The following ZBTB7C variants were observed in gnomAD, a reference collection of about 807,000 sequenced individuals.
The protein encoded by ZBTB7C is zinc finger and BTB domain-containing protein 7C.
In ZBTB7C, 8 loss-of-function variants were observed where a neutral mutation model predicts 25.7. That is an observed-to-expected ratio of 0.31 (90% CI 0.18 to 0.56). ZBTB7C has a LOEUF of 0.56. Among genes scored for constraint, ZBTB7C ranks in the 20% least tolerant of loss-of-function variants. The pLI is 0.91. For missense variants in ZBTB7C, 824 were observed against 855.2 expected, an observed-to-expected ratio of 0.96 and a Z score of 0.46; for synonymous variants, 394 against 369.0, an observed-to-expected ratio of 1.07 and a Z score of -0.78.
chr18:48,160,874 T>C (rs2040989822), intron 3 of ZBTB7C, among the ~76,000 whole-genome samples: 1 of 151,528 alleles, frequency 6.6e-6, no homozygotes. Context: ...CTGTCCCAAA[T>C]ATCTGCTCCC....
intron 3 of ZBTB7C, among the ~76,000 whole-genome samples, chr18:48,145,174 T>G (rs755356180): frequency 3.3e-5 from 5 of 152,222 alleles, no homozygotes; most frequent in Admixed American, 6.5e-5. Context: ...GCTGACTATA[T>G]GTCCCACAAT....
intron 3 of ZBTB7C, among the ~76,000 whole-genome samples, chr18:48,139,361 A>T (rs1168924326): frequency 6.6e-6 from 1 of 152,066 alleles, no homozygotes; most frequent in Non-Finnish European, 1.5e-5. Context: ...GGATGGGAGC[A>T]CCTTTTCAAA....
intron 3 of ZBTB7C, among the ~76,000 whole-genome samples, chr18:48,119,324 G>A (rs2039548182): frequency 1.3e-5 from 2 of 152,274 alleles, no homozygotes; most frequent in African/African-American, 2.4e-5. Flanking sequence ...TCCACCAGGT[G>A]AGAAGGAGCC....
chr18:48,235,487 C>T (rs1196093808), intron 2 of ZBTB7C, among the ~76,000 whole-genome samples: 1 of 151,916 alleles, frequency 6.6e-6, no homozygotes, highest in African/African-American at 2.4e-5. Flanking sequence ...TTTTTTCATC[C>T]CATAATGAAT....
chr18:48,253,148 T>C (rs969339807), intron 2 of ZBTB7C, among the ~76,000 whole-genome samples: 2 of 151,716 alleles, frequency 1.3e-5, no homozygotes, highest in African/African-American at 4.8e-5. Flanking sequence ...TGTGGGTGAA[T>C]AGGCAGAGCC....
chr18:48,097,811 G>A (rs2038693344), intron 3 of ZBTB7C, among the ~76,000 whole-genome samples: 1 of 151,880 alleles, frequency 6.6e-6, no homozygotes, highest in African/African-American at 2.4e-5. Flanking sequence ...ACAAACCTTT[G>A]TATCCTCATA....
At chr18:48,081,140 G>A (rs1162417000) in intron 3 of ZBTB7C, among the ~76,000 whole-genome samples, 2 of 152,186 alleles carry the variant, frequency 1.3e-5, no homozygotes, top group African/African-American at 4.8e-5. Flanking sequence ...TCTTTGAGAA[G>A]GGAAGTGGAA....
At chr18:48,313,646 G>A (rs375515029) in intron 2 of ZBTB7C, among the ~76,000 whole-genome samples, 6 of 152,252 alleles carry the variant, frequency 3.9e-5, no homozygotes, top group South Asian at 2.1e-4. Context: ...CAGAACCTGC[G>A]TGTTTTAACT....
chr18:48,222,012 T>C (rs1184764446), intron 2 of ZBTB7C, among the ~76,000 whole-genome samples: 2 of 152,078 alleles, frequency 1.3e-5, no homozygotes, highest in East Asian at 3.9e-4. Flanking sequence ...TCTCCCTCTA[T>C]ACTGTCCTAA....
intron 1 of ZBTB7C, among the ~76,000 whole-genome samples, chr18:48,344,327 T>G: frequency 6.6e-6 from 1 of 152,216 alleles, no homozygotes; most frequent in East Asian, 1.9e-4. Flanking sequence ...TTCTACGTGC[T>G]TATGAATCAC....
intron 3 of ZBTB7C, chr18:48,149,105 A>G (rs1472245932): frequency 2.0e-5 from 3 of 151,822 alleles, no homozygotes; most frequent in Non-Finnish European, 4.4e-5. Flanking sequence ...AGTAACAGGG[A>G]TGGGGAAGAT....
chr18:48,319,476 G>A (rs935448626), intron 2 of ZBTB7C, among the ~76,000 whole-genome samples: 3 of 152,122 alleles, frequency 2.0e-5, no homozygotes, highest in Non-Finnish European at 2.9e-5. Context: ...ATGGGGGGAC[G>A]TAATGCTAAA....
At chr18:48,317,465 T>C (rs920530365) in intron 2 of ZBTB7C, among the ~76,000 whole-genome samples, 5 of 152,104 alleles carry the variant, frequency 3.3e-5, no homozygotes, top group African/African-American at 1.2e-4. Context: ...TAGGCCAGCC[T>C]CACCCCGATC....
At chr18:48,280,112 G>A (rs954155199) in intron 2 of ZBTB7C, among the ~76,000 whole-genome samples, 2 of 152,186 alleles carry the variant, frequency 1.3e-5, no homozygotes, top group Admixed American at 6.5e-5. Context: ...AGAATACGGT[G>A]TGGTCAGTGC....
At chr18:48,130,542 C>T (rs781401983) in intron 3 of ZBTB7C, among the ~76,000 whole-genome samples, 41 of 152,208 alleles carry the variant, frequency 2.7e-4, no homozygotes, top group Non-Finnish European at 2.9e-4. Context: ...AATCCTCCTC[C>T]GAGAAGTTGG....
intron 3 of ZBTB7C, among the ~76,000 whole-genome samples, chr18:48,168,712 G>A (rs575456504): frequency 3.3e-5 from 5 of 152,314 alleles, no homozygotes; most frequent in Admixed American, 6.5e-5. Flanking sequence ...TGTCCTGGAA[G>A]ACTCAGCAAA....
intron 3 of ZBTB7C, among the ~76,000 whole-genome samples, chr18:48,063,922 ATACT>A (rs1039416089): frequency 6.6e-5 from 10 of 151,814 alleles, no homozygotes; most frequent in African/African-American, 2.4e-4. Context: ...TGATAATTAA[ATACT>A]TATTAATAAG....
At chr18:48,335,637 C>T (rs769641366) in intron 2 of ZBTB7C, among the ~76,000 whole-genome samples, 1 of 152,164 alleles carries the variant, frequency 6.6e-6, no homozygotes, top group Non-Finnish European at 1.5e-5. Context: ...TGCTCCTTGG[C>T]AAGATATTCT....
At chr18:48,310,989 T>C (rs1203661095) in intron 2 of ZBTB7C, among the ~76,000 whole-genome samples, 1 of 152,172 alleles carries the variant, frequency 6.6e-6, no homozygotes, top group African/African-American at 2.4e-5. Context: ...GTAAATTACA[T>C]CATGTGCAGT....
Sources: allele counts gnomAD v4.1 joint callset (sites outside exome capture counted in the v4.1 genomes callset), GRCh38; gene constraint gnomAD v4.1.1; transcripts MANE v1.5; gene names NCBI Gene and HGNC (gene_info 2026-07-23, HGNC 2026-07-21).